The following SHISA9 variants were observed in gnomAD, a reference collection of about 807,000 sequenced individuals.
SHISA9 encodes the protein protein shisa-9.
SHISA9 carries 13 observed loss-of-function variants against 38.0 expected under a neutral mutation model. The ratio of observed to expected loss-of-function variants is 0.34; its 90% CI spans 0.22 to 0.54. The LOEUF (loss-of-function observed/expected upper bound fraction) is 0.54, where lower values mean the gene tolerates loss of function less well. Ranked by LOEUF, SHISA9 falls within the 20% of genes least tolerant of loss-of-function variation. The probability of loss-of-function intolerance (pLI) is 0.91; values close to 1 mark genes in which losing one functional copy is unlikely to be tolerated. For missense variants in SHISA9, 538 were observed against 575.8 expected (o/e 0.93, Z 0.67); for synonymous variants, 275 against 242.0 (o/e 1.14, Z -1.27).
chr16:12,929,064 A>C (rs1005783306), intron 2 of SHISA9, among the ~76,000 whole-genome samples: 5 of 152,224 alleles, frequency 3.3e-5, no homozygotes, highest in Non-Finnish European at 7.3e-5. Flanking sequence ...ATCATTAGAG[A>C]AATGCAAATG....
At chr16:13,510,990 T>A in the SHISA9 span, among the ~76,000 whole-genome samples, 1 of 152,222 alleles carries the variant, frequency 6.6e-6, no homozygotes, top group Non-Finnish European at 1.5e-5. Flanking sequence ...TTACCATTTC[T>A]CCAGGCACAG....
At chr16:13,191,422 G>A (rs573202677) in intron 2 of SHISA9, among the ~76,000 whole-genome samples, 1 of 152,262 alleles carries the variant, frequency 6.6e-6, no homozygotes, top group African/African-American at 2.4e-5. Context: ...TGTTGTCTTG[G>A]CTTTCTAAAC....
chr16:13,529,762 A>G, the SHISA9 span, among the ~76,000 whole-genome samples: 1 of 152,150 alleles, frequency 6.6e-6, no homozygotes, highest in Non-Finnish European at 1.5e-5. Flanking sequence ...ACCCATATCC[A>G]CTTCCCTTTC....
intron 2 of SHISA9, among the ~76,000 whole-genome samples, chr16:13,069,343 T>A (rs1307452290): frequency 1.3e-5 from 2 of 151,944 alleles, no homozygotes; most frequent in African/African-American, 4.8e-5. Context: ...CATGCATATG[T>A]GTGTATGTAT....
chr16:13,305,194 G>A, the SHISA9 span, among the ~76,000 whole-genome samples: 3,469 of 152,274 alleles, frequency 0.023, 127 homozygotes, highest in African/African-American at 0.078. Flanking sequence ...TCCCCCTGGG[G>A]ACGCTGAGTT....
At chr16:13,050,213 CTG>C (rs2073234691) in intron 2 of SHISA9, among the ~76,000 whole-genome samples, 1 of 152,084 alleles carries the variant, frequency 6.6e-6, no homozygotes, top group African/African-American at 2.4e-5. Context: ...AGATATACAT[CTG>C]TTGATGTAGA....
chr16:13,094,120 G>C (rs2073802513), intron 2 of SHISA9, among the ~76,000 whole-genome samples: 1 of 152,092 alleles, frequency 6.6e-6, no homozygotes, highest in African/African-American at 2.4e-5. Context: ...TAGCAGAAAA[G>C]ACGTTGGGAA....
chr16:13,381,156 A>G, the SHISA9 span, among the ~76,000 whole-genome samples: 2 of 152,136 alleles, frequency 1.3e-5, no homozygotes, highest in African/African-American at 4.8e-5. Context: ...GAAGAGGCAA[A>G]GATAATAATC....
At chr16:13,342,671 C>T in the SHISA9 span, among the ~76,000 whole-genome samples, 14 of 152,310 alleles carry the variant, frequency 9.2e-5, no homozygotes, top group African/African-American at 3.4e-4. Flanking sequence ...CACTATGACT[C>T]TAATCCGTTT....
intron 2 of SHISA9, among the ~76,000 whole-genome samples, chr16:12,996,602 A>G (rs968635366): frequency 6.6e-6 from 1 of 152,148 alleles, no homozygotes; most frequent in Non-Finnish European, 1.5e-5. Context: ...TCAACTGTGC[A>G]ACCGAACTCA....
chr16:13,469,421 G>GAAAGA, the SHISA9 span, among the ~76,000 whole-genome samples: 1 of 120,444 alleles, frequency 8.3e-6, no homozygotes, highest in Non-Finnish European at 1.8e-5. Context: ...AAGAAAGAAA[G>GAAAGA]AAAAAGAAAG....
the SHISA9 span, among the ~76,000 whole-genome samples, chr16:13,395,635 G>A: frequency 6.6e-6 from 1 of 152,166 alleles, no homozygotes; most frequent in African/African-American, 2.4e-5. Context: ...ATACTTTAAT[G>A]TTCTGTCTTT....
chr16:13,127,865 G>C (rs1176163502), intron 2 of SHISA9, among the ~76,000 whole-genome samples: 2 of 151,620 alleles, frequency 1.3e-5, no homozygotes, highest in African/African-American at 2.4e-5. Flanking sequence ...GCTTTGGAGA[G>C]AAGCTCACAG....
At chr16:13,516,797 CAAAA>C in the SHISA9 span, among the ~76,000 whole-genome samples, 1 of 144,310 alleles carries the variant, frequency 6.9e-6, no homozygotes, top group Non-Finnish European at 1.5e-5. Context: ...GATTCCATCC[CAAAA>C]AAAAAAAAAA....
chr16:13,321,732 A>G, the SHISA9 span, among the ~76,000 whole-genome samples: 1 of 152,170 alleles, frequency 6.6e-6, no homozygotes, highest in Non-Finnish European at 1.5e-5. Flanking sequence ...CTGTGTGTGC[A>G]ATATATAGAT....
chr16:13,499,306 A>G, the SHISA9 span, among the ~76,000 whole-genome samples: 5 of 152,354 alleles, frequency 3.3e-5, no homozygotes, highest in African/African-American at 4.8e-5. Context: ...GTTTTGGCAA[A>G]GAAAGAGATG....
the SHISA9 span, among the ~76,000 whole-genome samples, chr16:13,529,020 C>A: frequency 6.6e-6 from 1 of 152,144 alleles, no homozygotes; most frequent in Non-Finnish European, 1.5e-5. Context: ...TGAACAGACT[C>A]CCTCTTGGCC....
chr16:13,279,897 G>A, the SHISA9 span, among the ~76,000 whole-genome samples: 6 of 151,710 alleles, frequency 4.0e-5, no homozygotes, highest in African/African-American at 1.5e-4. Flanking sequence ...AATTTTGTTA[G>A]GATGTATAGG....
At chr16:13,063,996 G>A (rs924749997) in intron 2 of SHISA9, among the ~76,000 whole-genome samples, 5 of 152,170 alleles carry the variant, frequency 3.3e-5, no homozygotes, top group East Asian at 3.9e-4. Flanking sequence ...GCTTTGTGTT[G>A]GCACCAGAGG....
Sources: gnomAD v4.1 joint callset for allele counts (sites outside exome capture counted in the v4.1 genomes callset) on GRCh38, gnomAD v4.1.1 for gene constraint, MANE v1.5 for transcripts, NCBI Gene and HGNC (gene_info 2026-07-23, HGNC 2026-07-21) for gene names.